TGFBR3: variants seen among roughly 807,000 people sequenced by gnomAD.
The protein encoded by TGFBR3 is transforming growth factor beta receptor 3.
TGFBR3 carries 46 observed loss-of-function variants against 87.9 expected under a neutral mutation model. That is an observed-to-expected ratio of 0.52 (90% confidence interval 0.41 to 0.67). The LOEUF is 0.67. TGFBR3 is among the 30% of genes least tolerant of loss of function. The probability of loss-of-function intolerance (pLI) is 0.00; values close to 1 mark genes in which losing one functional copy is unlikely to be tolerated. For missense variants in TGFBR3, 866 were observed against 1,041.9 expected (o/e 0.83, Z 2.32); for synonymous variants, 381 against 391.6 (o/e 0.97, Z 0.32).
chr1:91,817,357 A>G (rs1456987126), intron 2 of TGFBR3, among the ~76,000 whole-genome samples: 5 of 152,200 alleles, frequency 3.3e-5, no homozygotes, highest in Non-Finnish European at 7.3e-5. Flanking sequence ...ATAAGATGTA[A>G]CCCCCTCTTC....
At chr1:91,789,537 C>T (rs1335663707) in intron 3 of TGFBR3, among the ~76,000 whole-genome samples, 1 of 152,208 alleles carries the variant, frequency 6.6e-6, no homozygotes, top group Non-Finnish European at 1.5e-5. Flanking sequence ...AGTGACGTGA[C>T]CAACCTGCAT....
chr1:91,850,467 C>T (rs552197774), intron 2 of TGFBR3, among the ~76,000 whole-genome samples: 48 of 152,220 alleles, frequency 3.2e-4, no homozygotes, highest in Admixed American at 2.3e-3. Context: ...AGCAGTCCAG[C>T]GGGGTCAATG....
At chr1:91,740,422 T>C (rs1357860320) in intron 4 of TGFBR3, among the ~76,000 whole-genome samples, 2 of 151,294 alleles carry the variant, frequency 1.3e-5, no homozygotes, top group East Asian at 1.9e-4. Context: ...TGGAGTGCAA[T>C]GGCATGATCT....
At chr1:91,826,226 G>A (rs901403424) in intron 2 of TGFBR3, among the ~76,000 whole-genome samples, 3 of 152,074 alleles carry the variant, frequency 2.0e-5, no homozygotes, top group African/African-American at 7.2e-5. Flanking sequence ...GCACATTAGA[G>A]GGTCCCCTAG....
intron 2 of TGFBR3, among the ~76,000 whole-genome samples, chr1:91,836,883 T>C (rs1051854638): frequency 2.0e-5 from 3 of 152,216 alleles, no homozygotes; most frequent in Admixed American, 2.0e-4. Flanking sequence ...TTGGTGATTA[T>C]GACAGAGCTG....
At chr1:91,773,505 C>A (rs914855443) in intron 3 of TGFBR3, among the ~76,000 whole-genome samples, 22 of 152,224 alleles carry the variant, frequency 1.4e-4, no homozygotes, top group Middle Eastern at 6.8e-3. Context: ...TATGGTGAAA[C>A]CCCGTCTCTA....
chr1:91,821,990 A>G (rs942133308), intron 2 of TGFBR3, among the ~76,000 whole-genome samples: 1 of 152,234 alleles, frequency 6.6e-6, no homozygotes, highest in African/African-American at 2.4e-5. Context: ...CTAATAGTCT[A>G]TGAACATGTG....
At chr1:91,699,431 C>CTTTTTTTTTTTTTTTTTTTT (rs60223260) in intron 14 of TGFBR3, among the ~76,000 whole-genome samples, 2 of 80,846 alleles carry the variant, frequency 2.5e-5, no homozygotes, top group Admixed American at 2.0e-4. Context: ...CTTTCTTTTG[C>CTTTTTTTTTTTTTTTTTTTT]TTTTTTTTTT....
chr1:91,758,829 T>C, intron 3 of TGFBR3, 79 bp from the exon 4 acceptor site: 1 of 1,557,456 alleles, frequency 6.4e-7, no homozygotes, highest in Non-Finnish European at 8.8e-7. Context: ...TCTGGAATAC[T>C]TTTTTTGCAA....
intron 1 of TGFBR3, among the ~76,000 whole-genome samples, chr1:91,903,486 T>C (rs1002814160): frequency 1.3e-5 from 2 of 151,890 alleles, no homozygotes; most frequent in Non-Finnish European, 2.9e-5. Context: ...GGCTCACACC[T>C]ATAGTCTCAG....
At chr1:91,820,140 A>T (rs937289437) in intron 2 of TGFBR3, among the ~76,000 whole-genome samples, 1 of 152,234 alleles carries the variant, frequency 6.6e-6, no homozygotes, top group Non-Finnish European at 1.5e-5. Context: ...GGGTGTAGTC[A>T]TTCAATAATA....
chr1:91,783,001 A>G (rs1049613284), intron 3 of TGFBR3, among the ~76,000 whole-genome samples: 7 of 152,236 alleles, frequency 4.6e-5, no homozygotes, highest in Non-Finnish European at 1.0e-4. Context: ...AGCAAATTCA[A>G]AATGGATCAG....
rs996533125 is a variant in TGFBR3 at position 91,861,586 on chromosome 1, A to T, written c.-55T>A. The T allele has an allele frequency of 7.0e-7, 1 of 1,419,782 alleles. No individual in the cohort carries two copies. The highest frequency in any genetic ancestry group is 1.4e-5 in the African/African-American group (1 of 71,008). The allele number at this position is 1,419,782 out of a possible 1,614,324, so 87.9% of individuals were successfully genotyped here. ...AGTCACTTCAGCCTGCTCAGAGCAC[A>T]GACAATCTTTGCAAATCAGAAGTAG... On this transcript the variant is annotated 5_prime_UTR_variant, in exon 2 of 17. Transcript: ENST00000212355.
At chr1:91,729,123 A>G (rs1672659055) in intron 6 of TGFBR3, among the ~76,000 whole-genome samples, 1 of 123,276 alleles carries the variant, frequency 8.1e-6, no homozygotes, top group Admixed American at 9.9e-5. Flanking sequence ...GCTCTTTCGT[A>G]TGTCACCATG....
intron 3 of TGFBR3, among the ~76,000 whole-genome samples, chr1:91,762,195 G>A (rs1408378297): frequency 6.6e-6 from 1 of 152,098 alleles, no homozygotes; most frequent in African/African-American, 2.4e-5. Context: ...TAAATCTTTG[G>A]GAGTCATGGA....
At chr1:91,723,075 A>G (rs1399439679) in intron 7 of TGFBR3, among the ~76,000 whole-genome samples, 2 of 152,192 alleles carry the variant, frequency 1.3e-5, no homozygotes, top group East Asian at 1.9e-4. Flanking sequence ...TCATTTGCCA[A>G]TTCTACTAAC....
chr1:91,781,453 G>A (rs1194647947), intron 3 of TGFBR3, among the ~76,000 whole-genome samples: 1 of 152,152 alleles, frequency 6.6e-6, no homozygotes, highest in Non-Finnish European at 1.5e-5. Context: ...GCCTTCCAGA[G>A]GCCTCTCCAG....
intron 2 of TGFBR3, among the ~76,000 whole-genome samples, chr1:91,800,312 ATG>A (rs1675563729): frequency 2.0e-5 from 2 of 100,894 alleles, no homozygotes; most frequent in African/African-American, 3.4e-5. Flanking sequence ...GCATGCATAT[ATG>A]TATATATATG....
At chr1:91,830,629 T>C (rs1269220675) in intron 2 of TGFBR3, among the ~76,000 whole-genome samples, 1 of 152,076 alleles carries the variant, frequency 6.6e-6, no homozygotes, top group Admixed American at 6.5e-5. Context: ...GTCTGCCCCC[T>C]GAGGAGAAAC....
Sources: gnomAD v4.1 joint callset for allele counts (sites outside exome capture counted in the v4.1 genomes callset) on GRCh38, gnomAD v4.1.1 for gene constraint, MANE v1.5 for transcripts, NCBI Gene and HGNC (gene_info 2026-07-23, HGNC 2026-07-21) for gene names.